The following CTU2 variants were observed in gnomAD, a reference collection of about 807,000 sequenced individuals.
CTU2 encodes the protein cytoplasmic tRNA 2-thiolation protein 2.
A neutral mutation model predicts 64.1 loss-of-function variants in CTU2; 80 were observed. The ratio of observed to expected loss-of-function variants is 1.25; its 90% CI spans 1.04 to 1.50. The LOEUF is 1.50. CTU2 is among the 40% of genes most tolerant of loss of function. The pLI, the probability that CTU2 is intolerant of heterozygous loss-of-function variation, is 0.00. For missense variants in CTU2, 1,110 were observed against 690.2 expected, an observed-to-expected ratio of 1.61 and a Z score of -6.81; for synonymous variants, 482 against 285.3, an observed-to-expected ratio of 1.69 and a Z score of -6.95.
chr16:88,711,315 T>TGGTGGCAC (rs1177391338), intron 4 of CTU2, among the ~76,000 whole-genome samples: 1 of 152,178 alleles, frequency 6.6e-6, no homozygotes, highest in African/African-American at 2.4e-5. Context: ...GCGTGTGGGA[T>TGGTGGCAC]GGTGGCACAG....
At chr16:88,708,423 G>T (rs914869811) in intron 2 of CTU2, among the ~76,000 whole-genome samples, 1 of 152,156 alleles carries the variant, frequency 6.6e-6, no homozygotes, top group African/African-American at 2.4e-5. Flanking sequence ...TGTACACGTG[G>T]ACCCACCACG....
At position 88,715,383 on chromosome 16, in the gene CTU2, A is replaced by G; in HGVS notation, c.*132A>G. ...AATAAAACATTTTTTAATTAAAAAA[A>G]AAACTCTACAGTACACGTGGGGGAC... On this transcript the variant is annotated 3_prime_UTR_variant, in exon 15 of 15. Coordinates refer to ENST00000453996, the MANE Select transcript of CTU2 (RefSeq NM_001012759.3). 1 of 1,121,312 alleles carries G rather than the reference A, an allele frequency of 8.9e-7. No individual in the cohort carries two copies. Among genetic ancestry groups the G allele is most frequent in the Non-Finnish European group, 1.2e-6 (1 of 804,734 alleles). The allele number at this position is 1,121,312 out of a possible 1,614,324, so 69.5% of individuals were successfully genotyped here. A position where few individuals can be genotyped will look rare whatever the true frequency, so the allele number is the denominator to read the frequency against.
In CTU2 at chr16:88,707,951, C is replaced by T. The variant is rs149230876; in HGVS notation, c.143+741C>T. Among the ~76,000 whole-genome samples, 1,418 of 152,254 alleles carry T rather than the reference C, an allele frequency of 9.3e-3. 24 individuals are homozygous for T. Among genetic ancestry groups the T allele is most frequent in the African/African-American group, 0.032 (1,334 of 41,518 alleles). The stretch of plus-strand genomic sequence containing the variant: ...TCAGCCTCCTGAGTAGCTGGGATTA[C>T]AGGTGCCTGCCATCATGCCCGGCCA... On this transcript the variant is annotated intron_variant, in intron 2 of 14. Transcript: ENST00000453996.
In CTU2 at chr16:88,707,079, AGGC is replaced by A. The variant is rs1910920476; in HGVS notation, c.69-55_69-53del. 7.2e-6 allele frequency: 11 copies of A among 1,535,352 alleles called. No individual in the cohort carries two copies. The East Asian group carries it at 2.5e-4, about 35-fold the overall frequency. On this transcript the variant is annotated intron_variant, in intron 1 of 14. Coordinates refer to ENST00000453996, the MANE Select transcript of CTU2 (RefSeq NM_001012759.3). ...AGGAGCTGTCTCCCCAAAGCCCACT[AGGC>A]GTGGGGAAGATGTGATCTGTGTTTC...
At position 88,714,452 on chromosome 16, in the gene CTU2, C is replaced by T. The variant is rs1046906956; in HGVS notation, c.1167C>T (p.Leu389=). ...PAAGDSGPRC[L]LCMCALDVDA... is the part of the protein sequence containing the mutation. Reference sequence around the variant, plus strand: ...CTGGCGACTCCGGCCCCCGCTGCCTCCTCTGCATGTGTGCCCTGGACGTCG... The same window carrying T: ...CTGGCGACTCCGGCCCCCGCTGCCTTCTCTGCATGTGTGCCCTGGACGTCG... The change falls in exon 11 of 15, where the codon CTC becomes CTT. Residue 389 remains leucine, a synonymous_variant. Transcript: ENST00000453996. 1.2e-6 allele frequency: 2 copies of T among 1,612,628 alleles called. No homozygotes were observed. The highest frequency in any genetic ancestry group is 1.7e-5 in the Admixed American group (1 of 60,022).
At chr16:88,712,557 G>T in intron 6 of CTU2, 65 bp from the exon 7 acceptor site, 1 of 1,564,846 alleles carries the variant, frequency 6.4e-7, no homozygotes, top group Non-Finnish European at 8.7e-7. Context: ...CCGGAAGGTG[G>T]GGCTGTCTGT....
At position 88,715,206 on chromosome 16, in the gene CTU2, G is replaced by T. The variant is rs1058158; in HGVS notation, c.1503G>T (p.Arg501=). The change falls in exon 15 of 15, where the codon CGG becomes CGT. Residue 501 remains arginine, a synonymous_variant. Transcript: ENST00000453996. ...TQRAWGLQEI[R]DCLIEDSDDE... ...GGGCCTGGGGCTTGCAGGAGATCCG[G>T]GACTGTCTGATTGAGGACAGTGACG... 1.5e-5 allele frequency: 24 copies of T among 1,612,106 alleles called. No individual in the cohort carries two copies. Among genetic ancestry groups the T allele is most frequent in the Middle Eastern group, 3.3e-4 (2 of 6,076 alleles).
At chr16:88,714,962 G>T in intron 13 of CTU2, 36 bp downstream of exon 13, 3 of 1,598,646 alleles carry the variant, frequency 1.9e-6, no homozygotes, top group Non-Finnish European at 2.6e-6. Context: ...GCCGGGCTTG[G>T]GGACGCGGGA....
Position 88,714,870 on chromosome 16 carries a change from CA to C in CTU2, c.1365del (p.Ala456ProfsTer13). On this transcript the variant is annotated frameshift_variant, in exon 13 of 15. Coordinates refer to ENST00000453996, the MANE Select transcript of CTU2 (RefSeq NM_001012759.3). LOFTEE classifies it high-confidence loss of function. ...GQGACRREDP[Q>X]ACIEEQLCYS... ...GCTCTGCTCCCGCAGGGAGGACCCC[CA>C]AGCCTGCATTGAGGAGCAGCTGTGC... 6.2e-7 allele frequency: 1 copy of C among 1,612,646 alleles called. No individual in the cohort carries two copies. The highest frequency in any genetic ancestry group is 1.3e-5 in the African/African-American group (1 of 75,056).
chr16:88,710,143 G>C, intron 3 of CTU2, 80 bp from the exon 4 acceptor site: 1 of 1,577,820 alleles, frequency 6.3e-7, no homozygotes, highest in African/African-American at 1.3e-5. Flanking sequence ...GGACAGACTC[G>C]ATGTCCTAGA....
rs1387311173 is a variant in CTU2, at chr16:88,712,661, C to G, written c.493C>G (p.Gln165Glu). 8.7e-6 allele frequency: 14 copies of G among 1,610,500 alleles called. No individual in the cohort carries two copies. Among genetic ancestry groups the G allele is most frequent in the Non-Finnish European group, 1.2e-5 (14 of 1,179,596 alleles). The change falls in exon 7 of 15, where the codon CAG becomes GAG. Residue 165 changes from glutamine to glutamate, a missense_variant. Physicochemically the swap from Gln to Glu is conservative, Grantham distance 29. Transcript: ENST00000453996. ...ACCGTCGGTGCTTTGGTGCTCTGCC[C>G]AGGAGCTGGTGGGATCCGAGGGGGC... is the stretch of plus-strand genomic sequence containing the variant. ...LPPSVLWCSA[Q>E]ELVGSEGAYK...
intron 8 of CTU2, 29 bp from the exon 9 acceptor site, chr16:88,713,618 C>G (rs779773167): frequency 1.2e-6 from 2 of 1,605,752 alleles, no homozygotes; most frequent in Non-Finnish European, 1.7e-6. Context: ...GGGCCTTGAC[C>G]TGGACCACAC....
At chr16:88,708,255 T>C (rs1212183866) in intron 2 of CTU2, among the ~76,000 whole-genome samples, 1 of 152,140 alleles carries the variant, frequency 6.6e-6, no homozygotes, top group Non-Finnish European at 1.5e-5. Flanking sequence ...TGCTTGCTGG[T>C]CCCAAGGAAC....
rs762411145 is a variant in CTU2 at position 88,713,456 on chromosome 16, G to C, written c.873+9G>C. On this transcript the variant is annotated intron_variant, in intron 8 of 14. Transcript: ENST00000453996. ...TCCTGGCCTGGGATACGGTAGGCAGGGGCCTGGGTGTTCAGGAGGCCCATC... is the reference window on the plus strand; with the variant it reads ...TCCTGGCCTGGGATACGGTAGGCAGCGGCCTGGGTGTTCAGGAGGCCCATC... 1.9e-6 allele frequency: 3 copies of C among 1,570,058 alleles called. 1 individual carries two copies. Among genetic ancestry groups the C allele is most frequent in the South Asian group, 2.3e-5 (2 of 85,370 alleles).
chr16:88,706,541 T>C lies in CTU2; in HGVS notation c.11T>C (p.Val4Ala). The C allele has an allele frequency of 6.9e-7, 1 of 1,457,308 alleles. No individual in the cohort carries two copies. Among genetic ancestry groups the C allele is most frequent in the Non-Finnish European group, 9.0e-7 (1 of 1,111,678 alleles). 90.3% of individuals were successfully genotyped at this position (1,457,308 alleles called of 1,614,324 possible). The change falls in exon 1 of 15, where the codon GTG (valine) becomes GCG (alanine). Residue 4 changes from valine to alanine, a missense_variant. By Grantham distance (64) the Val-to-Ala change is moderately conservative (BLOSUM62 0). Coordinates refer to ENST00000453996, the MANE Select transcript of CTU2 (RefSeq NM_001012759.3). MCQVGEDYGEPAPE... is the reference protein window; with the variant it reads MCQAGEDYGEPAPE... The stretch of plus-strand genomic sequence containing the variant: ...GGACCCGGCGTGCCCATGTGTCAGG[T>C]GGGCGAGGACTACGGGGAGCCGGCG...
rs759817868 is a variant in CTU2, at chr16:88,714,428, T to C, written c.1143T>C (p.Ala381=). ...AGGGCCCCCGGGATGGCCCTGCTGCTGGCGACTCCGGCCCCCGCTGCCTCC... is the reference window on the plus strand; with the variant it reads ...AGGGCCCCCGGGATGGCCCTGCTGCCGGCGACTCCGGCCCCCGCTGCCTCC... ...LVKGPRDGPA[A]GDSGPRCLLC... is the part of the protein sequence containing the mutation. The change falls in exon 11 of 15, where the codon GCT becomes GCC. Residue 381 remains alanine, a synonymous_variant. Coordinates refer to ENST00000453996, the MANE Select transcript of CTU2 (RefSeq NM_001012759.3). 1.2e-6 allele frequency: 2 copies of C among 1,612,538 alleles called. No homozygotes were observed. Among genetic ancestry groups the C allele is most frequent in the East Asian group, 2.2e-5 (1 of 44,866 alleles).
chr16:88,714,065 C>G, intron 9 of CTU2, 71 bp from the exon 10 acceptor site: 3 of 1,460,878 alleles, frequency 2.1e-6, no homozygotes, highest in African/African-American at 1.4e-5. Flanking sequence ...CGGCACCTGT[C>G]CTGGGGACTC....
chr16:88,715,106 G>T lies in CTU2; in HGVS notation c.1478G>T (p.Arg493Met). 1 of 1,589,740 alleles carries T rather than the reference G, an allele frequency of 6.3e-7. No homozygotes were observed. ...GCTGAGGCCCAGCTCCGCACACAGA[G>T]GTACTGGGGCCCACACTGCCGTGGC... ...ILAEAQLRTQ[R>M]AWGLQEIRDC... is the part of the protein sequence containing the mutation. The change falls in exon 14 of 15, where the codon AGG becomes ATG. Residue 493 changes from arginine to methionine, a missense_variant and splice_region_variant. Physicochemically the swap from Arg to Met is moderately conservative, Grantham distance 91. Coordinates refer to ENST00000453996, the MANE Select transcript of CTU2 (RefSeq NM_001012759.3).
At position 88,707,300 on chromosome 16, in the gene CTU2, T is replaced by C. The variant is rs540142340; in HGVS notation, c.143+90T>C. On this transcript the variant is annotated intron_variant, in intron 2 of 14. Transcript: ENST00000453996. ...ACTTGTGATGCTTTGTTAATTCTTT[T>C]TAAAAACATGTACTTACTTTATTCC... 8.9e-5 allele frequency: 109 copies of C among 1,220,552 alleles called. No individual in the cohort carries two copies. The South Asian group carries it at 1.3e-3, about 15-fold the overall frequency. 75.6% of individuals were successfully genotyped at this position (1,220,552 alleles called of 1,614,324 possible).
Sources: allele counts gnomAD v4.1 joint callset (sites outside exome capture counted in the v4.1 genomes callset), GRCh38; gene constraint gnomAD v4.1.1; transcripts MANE v1.5; gene names NCBI Gene and HGNC (gene_info 2026-07-23, HGNC 2026-07-21).